The following SATB2 variants were observed in gnomAD, a reference collection of about 807,000 sequenced individuals.
The protein encoded by SATB2 is SATB homeobox 2, also known as DNA-binding protein SATB2.
A neutral mutation model predicts 73.4 loss-of-function variants in SATB2; 1 was observed. The observed-to-expected ratio is 0.01, with a 90% confidence interval of 0.00 to 0.06. SATB2 has a LOEUF of 0.06. SATB2 is among the 10% of genes least tolerant of loss of function. SATB2 has a pLI of 1.00. For missense variants in SATB2, 459 were observed against 945.8 expected (o/e 0.49, Z 6.75); for synonymous variants, 397 against 367.0 (o/e 1.08, Z -0.93).
chr2:199,316,363 T>C (rs1166840081), intron 9 of SATB2, among the ~76,000 whole-genome samples: 1 of 152,092 alleles, frequency 6.6e-6, no homozygotes, highest in Non-Finnish European at 1.5e-5. Context: ...TGTCAAGGGC[T>C]TCAATGAATC....
chr2:199,419,736 T>C (rs1449118848), intron 3 of SATB2, among the ~76,000 whole-genome samples: 1 of 152,204 alleles, frequency 6.6e-6, no homozygotes, highest in Non-Finnish European at 1.5e-5. Flanking sequence ...TTTCATGTCA[T>C]AGGTATTTCA....
chr2:199,449,644 C>A (rs1029028975), intron 2 of SATB2, among the ~76,000 whole-genome samples: 1 of 152,116 alleles, frequency 6.6e-6, no homozygotes, highest in Non-Finnish European at 1.5e-5. Context: ...TTTAGTCATA[C>A]CTCAGTTCCA....
At chr2:199,435,610 C>CA (rs1217852457) in intron 2 of SATB2, among the ~76,000 whole-genome samples, 5 of 152,164 alleles carry the variant, frequency 3.3e-5, no homozygotes, top group Admixed American at 1.3e-4. Context: ...TCCCAAAGTG[C>CA]TGGGATTACA....
Position 199,342,136 on chromosome 2 carries a change from G to A in SATB2, c.1173+6565C>T, listed in dbSNP as rs142860018. Reference sequence around the variant, plus strand: ...TTAACGGAAAAGCCTAACAGCAGACGCAGGCTTTCAGAAGTAAAACCATGG... The same window carrying A: ...TTAACGGAAAAGCCTAACAGCAGACACAGGCTTTCAGAAGTAAAACCATGG... On this transcript the variant is annotated intron_variant, in intron 7 of 10. Coordinates refer to ENST00000417098, the MANE Select transcript of SATB2 (RefSeq NM_001172509.2). 1.3e-4 allele frequency among the ~76,000 whole-genome samples: 20 copies of A among 152,254 alleles called. No homozygotes were observed. The East Asian group carries it at 3.5e-3, about 26-fold the overall frequency.
At chr2:199,354,357 AAAAT>A (rs1209336508) in intron 6 of SATB2, among the ~76,000 whole-genome samples, 1 of 152,090 alleles carries the variant, frequency 6.6e-6, no homozygotes, top group South Asian at 2.1e-4. Context: ...TTCTGTCTCA[AAAAT>A]AAATAAATAA....
At chr2:199,405,480 A>G (rs1174278668) in intron 3 of SATB2, among the ~76,000 whole-genome samples, 1 of 152,204 alleles carries the variant, frequency 6.6e-6, no homozygotes, top group East Asian at 1.9e-4. Context: ...CCAGCCAAGC[A>G]GGCTGACCCA....
chr2:199,352,022 G>A (rs1221800713), intron 6 of SATB2, among the ~76,000 whole-genome samples: 3 of 151,910 alleles, frequency 2.0e-5, no homozygotes, highest in African/African-American at 7.3e-5. Flanking sequence ...GGCATATGCC[G>A]CCACCACACC....
intron 3 of SATB2, among the ~76,000 whole-genome samples, chr2:199,385,127 TTTTGTTTG>T (rs917580969): frequency 6.6e-6 from 1 of 152,034 alleles, no homozygotes; most frequent in African/African-American, 2.4e-5. Flanking sequence ...TCCCCTACTT[TTTTGTTTG>T]TTTGTTTGTT....
intron 9 of SATB2, among the ~76,000 whole-genome samples, chr2:199,319,447 T>G (rs1687825408): frequency 6.6e-6 from 1 of 152,082 alleles, no homozygotes; most frequent in South Asian, 2.1e-4. Flanking sequence ...CACTACCCCC[T>G]TTCATTATCA....
chr2:199,381,420 A>G (rs973581540), intron 4 of SATB2, among the ~76,000 whole-genome samples: 1 of 152,118 alleles, frequency 6.6e-6, no homozygotes, highest in African/African-American at 2.4e-5. Flanking sequence ...GCTACTCCTA[A>G]GGGCTATAGA....
chr2:199,440,416 G>A (rs1691781542), intron 2 of SATB2, among the ~76,000 whole-genome samples: 1 of 152,152 alleles, frequency 6.6e-6, no homozygotes, highest in African/African-American at 2.4e-5. Flanking sequence ...GAATGGTTTA[G>A]TGTTCTCCTT....
At position 199,423,429 on chromosome 2, in the gene SATB2, A is replaced by T. The variant is rs182340578; in HGVS notation, c.346+9909T>A. Among the ~76,000 whole-genome samples the T allele has an allele frequency of 7.0e-3, 1,069 of 152,194 alleles. 17 individuals are homozygous for T. Among genetic ancestry groups the T allele is most frequent in the East Asian group, 0.04 (209 of 5,168 alleles). ...TTAGCTTTCCTTTCTGCAAAGTAAG[A>T]GTGGTAAAATTCAACCACCTATCTT... On this transcript the variant is annotated intron_variant, in intron 3 of 10. Transcript: ENST00000417098.
At chr2:199,282,243 C>T (rs1044182755) in intron 10 of SATB2, among the ~76,000 whole-genome samples, 2 of 152,086 alleles carry the variant, frequency 1.3e-5, no homozygotes, top group African/African-American at 4.8e-5. Context: ...CTAGTTATTA[C>T]TTTTCTTGCT....
chr2:199,433,986 T>A (rs1431672780), intron 2 of SATB2, among the ~76,000 whole-genome samples: 1 of 151,996 alleles, frequency 6.6e-6, no homozygotes, highest in Non-Finnish European at 1.5e-5. Context: ...AATATATTTC[T>A]CTTGTCTGGA....
At chr2:199,363,431 G>T (rs895044115) in intron 6 of SATB2, among the ~76,000 whole-genome samples, 1 of 152,156 alleles carries the variant, frequency 6.6e-6, no homozygotes, top group South Asian at 2.1e-4. Context: ...CTTATATGTG[G>T]AATTTAAAAC....
intron 2 of SATB2, among the ~76,000 whole-genome samples, chr2:199,453,437 T>C (rs1006297436): frequency 1.6e-4 from 24 of 152,080 alleles, no homozygotes; most frequent in African/African-American, 5.1e-4. Context: ...TGTAGTTATC[T>C]ATGCTTATTA....
At chr2:199,385,252 A>C (rs1347353210) in intron 3 of SATB2, among the ~76,000 whole-genome samples, 1 of 152,106 alleles carries the variant, frequency 6.6e-6, no homozygotes, top group African/African-American at 2.4e-5. Context: ...CTCCCACATC[A>C]GCCTCCCAAG....
chr2:199,376,611 A>G (rs1689612939), intron 5 of SATB2, among the ~76,000 whole-genome samples: 1 of 152,170 alleles, frequency 6.6e-6, no homozygotes, highest in Non-Finnish European at 1.5e-5. Context: ...CATTATAGTA[A>G]CAGCTACATA....
Position 199,348,932 on chromosome 2 carries a change from G to A in SATB2, c.942C>T (p.Ala314=), listed in dbSNP as rs200543869. 1.2e-6 allele frequency: 2 copies of A among 1,614,144 alleles called. No homozygotes were observed. The highest frequency in any genetic ancestry group is 1.7e-6 in the Non-Finnish European group (2 of 1,180,002). ...PQLVRQQIAM[A]HLINQQIAVS... ...CGGCAATCTGTTGGTTTATCAGATG[G>A]GCCATGGCTATTTGTTGCCTTACAA... Residue 314 remains alanine, a synonymous_variant, in exon 7 of 11, where the codon GCC becomes GCT. Coordinates refer to ENST00000417098, the MANE Select transcript of SATB2 (RefSeq NM_001172509.2).
Sources: allele counts gnomAD v4.1 joint callset (sites outside exome capture counted in the v4.1 genomes callset), GRCh38; gene constraint gnomAD v4.1.1; transcripts MANE v1.5; gene names NCBI Gene and HGNC (gene_info 2026-07-23, HGNC 2026-07-21).